The following MS4A6A variants were observed in gnomAD, a reference collection of about 807,000 sequenced individuals.
MS4A6A encodes the protein membrane-spanning 4-domains subfamily A member 6A.
A neutral mutation model predicts 20.6 loss-of-function variants in MS4A6A; 19 were observed. The ratio of observed to expected loss-of-function variants is 0.92; its 90% CI spans 0.64 to 1.36. The LOEUF (loss-of-function observed/expected upper bound fraction) is 1.36. Ranked by LOEUF, MS4A6A falls within the 40% of genes most tolerant of loss-of-function variation. The probability of loss-of-function intolerance (pLI) is 0.00; values close to 1 mark genes in which losing one functional copy is unlikely to be tolerated. For synonymous variants in MS4A6A, 108 were observed against 105.0 expected, an observed-to-expected ratio of 1.03 and a Z score of -0.17; for missense variants, 272 against 261.1, an observed-to-expected ratio of 1.04 and a Z score of -0.29.
intron 3 of MS4A6A, 181 bp downstream of exon 3, chr11:60,179,650 T>C (rs769235983): frequency 4.4e-6 from 3 of 688,390 alleles, no homozygotes; most frequent in Non-Finnish European, 7.9e-6. Context: ...TTGAGTCTGA[T>C]AAGAAATTGA....
At chr11:60,174,876 C>G (rs1856757857) in intron 5 of MS4A6A, among the ~76,000 whole-genome samples, 1 of 152,136 alleles carries the variant, frequency 6.6e-6, no homozygotes, top group Non-Finnish European at 1.5e-5. Flanking sequence ...TGCATTCTCA[C>G]CTGATCAGTA....
chr11:60,176,738 G>A (rs1856860037), intron 4 of MS4A6A, among the ~76,000 whole-genome samples: 1 of 152,086 alleles, frequency 6.6e-6, no homozygotes, highest in Admixed American at 6.5e-5. Context: ...ATATTTCTTA[G>A]AATAAGCTAG....
At position 60,179,789 on chromosome 11, in the gene MS4A6A, C is replaced by T. The variant is rs779636346; in HGVS notation, c.282+42G>A. 7.4e-6 allele frequency: 12 copies of T among 1,612,490 alleles called. No homozygotes were observed. The Admixed American group carries it at 1.5e-4, about 20-fold the overall frequency. ...AGTCTAAGCTATTGGCATCTTCCTCCCCTCTTTGCCCCATCCTGCCCTCCT... is the reference window on the plus strand; with the variant it reads ...AGTCTAAGCTATTGGCATCTTCCTCTCCTCTTTGCCCCATCCTGCCCTCCT... On this transcript the variant is annotated intron_variant, in intron 3 of 5. Coordinates refer to ENST00000528851, the MANE Select transcript of MS4A6A (RefSeq NM_022349.4).
rs1330140123 is a variant in MS4A6A at position 60,181,753 on chromosome 11, A to G, written c.-14-12T>C. ...GATGGTGTTGCCAACTATGTAAGAA[A>G]AAATAGATTTAGCTCTTAAAAAGTA... On this transcript the variant is annotated splice_polypyrimidine_tract_variant and intron_variant, in intron 1 of 5. Coordinates refer to ENST00000528851, the MANE Select transcript of MS4A6A (RefSeq NM_022349.4). 2.5e-6 allele frequency: 4 copies of G among 1,612,894 alleles called. No homozygotes were observed. The highest frequency in any genetic ancestry group is 3.4e-6 in the Non-Finnish European group (4 of 1,179,258).
intron 2 of MS4A6A, 168 bp downstream of exon 2, chr11:60,181,413 C>A: frequency 1.5e-6 from 1 of 678,612 alleles, no homozygotes; most frequent in African/African-American, 1.8e-5. Flanking sequence ...AAGACAACCT[C>A]TTGTGGAAAA....
intron 3 of MS4A6A, 138 bp downstream of exon 3, chr11:60,179,693 G>A (rs778465194): frequency 3.4e-5 from 33 of 959,858 alleles, no homozygotes; most frequent in South Asian, 1.1e-4. Context: ...CATCCTACCC[G>A]ACAGGAGAAC....
chr11:60,174,132 A>G (rs1856717912), intron 5 of MS4A6A, among the ~76,000 whole-genome samples: 1 of 152,136 alleles, frequency 6.6e-6, no homozygotes, highest in Non-Finnish European at 1.5e-5. Context: ...ATCTGTGCCA[A>G]TTGCTGTCAG....
intron 3 of MS4A6A, 62 bp from the exon 4 acceptor site, chr11:60,178,378 A>C: frequency 7.4e-7 from 1 of 1,352,388 alleles, no homozygotes; most frequent in Admixed American, 1.8e-5. Context: ...CGACGTCACT[A>C]TCACAATGTT....
rs1856793837 is a variant in MS4A6A, at chr11:60,175,569, C to T, written c.382G>A (p.Ala128Thr). ...LVGSILSALS[A>T]LVGFIILSVK... is the part of the protein sequence containing the mutation. ...GACAGGATAATGAAACCCACCAGGG[C>T]AGACAGAGCACTCAGAATGCTTCCA... The change falls in exon 5 of 6, where the codon GCC becomes ACC. Residue 128 changes from alanine to threonine, a missense_variant. Coordinates refer to ENST00000528851, the MANE Select transcript of MS4A6A (RefSeq NM_022349.4). The T allele has an allele frequency of 6.2e-7, 1 of 1,613,800 alleles. No homozygotes were observed. Among genetic ancestry groups the T allele is most frequent in the Non-Finnish European group, 8.5e-7 (1 of 1,180,040 alleles).
chr11:60,183,245 T>A (rs896786328), upstream of MS4A6A: 21 of 1,445,012 alleles, frequency 1.5e-5, no homozygotes, highest in Non-Finnish European at 2.0e-5. Flanking sequence ...TCAGGAGTCA[T>A]GGAGCCTTAT....
chr11:60,172,450 A>T (rs1379678759), downstream of MS4A6A: 1 of 1,278,564 alleles, frequency 7.8e-7, no homozygotes, highest in East Asian at 3.0e-5. Context: ...TTTTGGATAA[A>T]TCAAGGCTTT....
In MS4A6A at chr11:60,172,775, T is replaced by G. The variant is rs1366989355; in HGVS notation, c.*226A>C. On this transcript the variant is annotated 3_prime_UTR_variant, in exon 6 of 6. Coordinates refer to ENST00000528851, the MANE Select transcript of MS4A6A (RefSeq NM_022349.4). Reference sequence around the variant, plus strand: ...CTTCCCAGAGTCTCATTCCCTTCGCTGACAAAATAGGAAGATTGAATCAGT... The same window carrying G: ...CTTCCCAGAGTCTCATTCCCTTCGCGGACAAAATAGGAAGATTGAATCAGT... 1.5e-6 allele frequency: 2 copies of G among 1,310,680 alleles called. No individual in the cohort carries two copies. Among genetic ancestry groups the G allele is most frequent in the African/African-American group, 3.0e-5 (2 of 66,832 alleles). The allele number at this position is 1,310,680 out of a possible 1,614,324, so 81.2% of individuals were successfully genotyped here.
At chr11:60,181,854 G>C in intron 1 of MS4A6A, 113 bp from the exon 2 acceptor site, 1 of 1,047,918 alleles carries the variant, frequency 9.5e-7, no homozygotes. Context: ...CTGTCCATTA[G>C]AGAAAGAAAC....
upstream of MS4A6A, among the ~76,000 whole-genome samples, chr11:60,183,563 A>G (rs1190274797): frequency 6.6e-6 from 1 of 152,222 alleles, no homozygotes; most frequent in African/African-American, 2.4e-5. Context: ...TCATTAATAT[A>G]TAGCTAATAG....
intron 3 of MS4A6A, chr11:60,179,466 T>C (rs1857013889): frequency 1.8e-6 from 1 of 564,496 alleles, no homozygotes; most frequent in African/African-American, 1.9e-5. Context: ...TCTCTGTGAG[T>C]GTGTGATGTC....
At chr11:60,172,213 C>T (rs750186088), downstream of MS4A6A, 2 of 1,613,288 alleles carry the variant, frequency 1.2e-6, no homozygotes, top group African/African-American at 1.3e-5. Flanking sequence ...TGAGGACATG[C>T]CAGAATTACC....
At chr11:60,175,812 C>T (rs927065820) in intron 4 of MS4A6A, among the ~76,000 whole-genome samples, 7 of 152,128 alleles carry the variant, frequency 4.6e-5, no homozygotes, top group African/African-American at 1.4e-4. Context: ...AATGACTATA[C>T]GAACTGGTTC....
chr11:60,177,763 A>G (rs1856921210), intron 4 of MS4A6A, among the ~76,000 whole-genome samples: 1 of 152,194 alleles, frequency 6.6e-6, no homozygotes, highest in Non-Finnish European at 1.5e-5. Context: ...AAGGAACCTG[A>G]GGAGACATCA....
At chr11:60,176,271 C>A (rs148271924) in intron 4 of MS4A6A, among the ~76,000 whole-genome samples, 1 of 152,122 alleles carries the variant, frequency 6.6e-6, no homozygotes, top group African/African-American at 2.4e-5. Context: ...TAGGTGCAGG[C>A]CCAAGGATGG....
Sources: allele counts gnomAD v4.1 joint callset (sites outside exome capture counted in the v4.1 genomes callset), GRCh38; gene constraint gnomAD v4.1.1; transcripts MANE v1.5; gene names NCBI Gene and HGNC (gene_info 2026-07-23, HGNC 2026-07-21).